Variants in AKR1C2 observed in about 807,000 individuals in gnomAD.
AKR1C2 encodes aldo-keto reductase family 1 member C2.
Under a neutral mutation model 39.8 loss-of-function variants are expected in AKR1C2, and 27 were observed. That is an observed-to-expected ratio of 0.68 (90% confidence interval 0.50 to 0.93). The LOEUF is 0.93. Ranked by LOEUF, AKR1C2 falls within the 40% of genes least tolerant of loss-of-function variation. The probability of loss-of-function intolerance (pLI) is 0.00; values close to 1 mark genes in which losing one functional copy is unlikely to be tolerated. For synonymous variants in AKR1C2, 114 were observed against 137.9 expected, an observed-to-expected ratio of 0.83 and a Z score of 1.22; for missense variants, 263 against 365.1, an observed-to-expected ratio of 0.72 and a Z score of 2.28.
chr10:5,002,838 T>C (rs1837313102), intron 1 of AKR1C2, among the ~76,000 whole-genome samples: 1 of 152,192 alleles, frequency 6.6e-6, no homozygotes, highest in African/African-American at 2.4e-5. Flanking sequence ...AGGCCGGAGC[T>C]TCAGTGGTAT....
At position 5,000,362 on chromosome 10, in the gene AKR1C2, A is replaced by G. The variant is rs1339102143; in HGVS notation, c.369+188T>C. On this transcript the variant is annotated intron_variant, in intron 3 of 8. Transcript: ENST00000380753. Reference sequence around the variant, plus strand: ...CACTCTCTTTTCTTGTAGACATGCAATCACGGAAGTATGGATTCAAAATTG... The same window carrying G: ...CACTCTCTTTTCTTGTAGACATGCAGTCACGGAAGTATGGATTCAAAATTG... 19 of 1,545,758 alleles carry G rather than the reference A, an allele frequency of 1.2e-5. No individual in the cohort carries two copies. The African/African-American group carries it at 1.2e-4, about 10-fold the overall frequency.
intron 5 of AKR1C2, among the ~76,000 whole-genome samples, chr10:4,997,072 A>G (rs1287376946): frequency 6.6e-6 from 1 of 152,216 alleles, no homozygotes; most frequent in Non-Finnish European, 1.5e-5. Context: ...GACCACTGTT[A>G]GCTTAACCAA....
intron 1 of AKR1C2, among the ~76,000 whole-genome samples, chr10:5,012,685 T>G (rs528612660): frequency 1.3e-5 from 2 of 152,310 alleles, no homozygotes; most frequent in African/African-American, 4.8e-5. Context: ...GATTTTGGAA[T>G]TCTGATCTCC....
upstream of AKR1C2, chr10:5,006,648 T>G (rs1837411402): frequency 6.6e-6 from 1 of 152,100 alleles, no homozygotes; most frequent in Non-Finnish European, 1.5e-5. Flanking sequence ...ACTCATGGGG[T>G]ACAAGGGATC....
intron 1 of AKR1C2, among the ~76,000 whole-genome samples, chr10:5,009,479 A>G (rs2131722347): frequency 1.3e-5 from 2 of 152,130 alleles, no homozygotes; most frequent in Non-Finnish European, 2.9e-5. Context: ...TGTAAAGAGA[A>G]AAGTATTAAT....
Position 5,001,120 on chromosome 10 carries a change from C to A in AKR1C2, c.252+394G>T, listed in dbSNP as rs543514954. Among the ~76,000 whole-genome samples the A allele has an allele frequency of 5.4e-4, 82 of 152,292 alleles. 1 individual carries two copies. The highest frequency in any genetic ancestry group is 5.2e-4 in the Admixed American group (8 of 15,298). On this transcript the variant is annotated intron_variant, in intron 2 of 8. Transcript: ENST00000380753. ...TGTAGGTATCACTCTTTTATACTCA[C>A]TGAGCTCTCTTATATCGCTTTCTCT...
rs1259630164 is a variant in AKR1C2, at chr10:4,988,995, C to G, written c.*1001G>C. 1 of 152,140 alleles carries G rather than the reference C, an allele frequency of 6.6e-6. No homozygotes were observed. Among genetic ancestry groups the G allele is most frequent in the Non-Finnish European group, 1.5e-5 (1 of 68,020 alleles). 9.4% of individuals were successfully genotyped at this position (152,140 alleles called of 1,614,324 possible). On this transcript the variant is annotated 3_prime_UTR_variant, in exon 9 of 9. Transcript: ENST00000380753. ...TTGATTTATTAGATGTATTATTTCC[C>G]ATTTTAATCTTGAGTGCCATGCATA...
intron 8 of AKR1C2, among the ~76,000 whole-genome samples, chr10:4,990,330 GTCAA>G (rs1836791826): frequency 5.9e-5 from 9 of 151,796 alleles, no homozygotes; most frequent in Non-Finnish European, 1.3e-4. Flanking sequence ...TCCCACATCT[GTCAA>G]CAAAGAGATA....
At position 4,995,768 on chromosome 10, in the gene AKR1C2, C is replaced by T. The variant is rs782570336; in HGVS notation, c.668G>A (p.Arg223Gln). The change falls in exon 6 of 9, where the codon CGA becomes CAA. Residue 223 changes from arginine (R) to glutamine (Q), a missense_variant. Physicochemically the swap from Arg to Gln is conservative, Grantham distance 43 (BLOSUM62 1). This residue lies in a region of AKR1C2 where 247 missense variants were observed against 267.9 expected (regional missense o/e 0.92). Transcript: ENST00000380753. The part of the protein sequence containing the change: ...LVAYSALGSH[R>Q]EEPWVDPNSP... ...TATCTCTTATTACCATGGTTCTTCTCGATGGGATCCCAGAGCACTATAGGC... is the reference window on the plus strand; with the variant it reads ...TATCTCTTATTACCATGGTTCTTCTTGATGGGATCCCAGAGCACTATAGGC... 5.0e-6 allele frequency: 8 copies of T among 1,611,602 alleles called. No homozygotes were observed. Among genetic ancestry groups the T allele is most frequent in the African/African-American group, 2.7e-5 (2 of 74,550 alleles).
chr10:4,993,555 T>C (rs544812019), intron 7 of AKR1C2, among the ~76,000 whole-genome samples: 1 of 152,218 alleles, frequency 6.6e-6, no homozygotes, highest in Non-Finnish European at 1.5e-5. Context: ...CAGTAAAATA[T>C]TGTGATATTC....
intron 5 of AKR1C2, 40 bp from the exon 6 acceptor site, chr10:4,995,905 A>G (rs781901105): frequency 6.4e-7 from 1 of 1,573,252 alleles, no homozygotes. Flanking sequence ...GATAATCCAA[A>G]AGTTACATTA....
chr10:4,989,858 T>C lies in AKR1C2; in HGVS notation c.*138A>G. 1.6e-6 allele frequency: 2 copies of C among 1,280,238 alleles called. No homozygotes were observed. Among genetic ancestry groups the C allele is most frequent in the Non-Finnish European group, 2.2e-6 (2 of 917,022 alleles). The allele number at this position is 1,280,238 out of a possible 1,614,324, so 79.3% of individuals were successfully genotyped here. On this transcript the variant is annotated 3_prime_UTR_variant, in exon 9 of 9. Transcript: ENST00000380753. ...GTCTTTCTTTTCCGGCCGATGGGCT[T>C]AGCTGTAGCTTACTGAAGTCGCCAA...
At chr10:5,009,369 T>C (rs1232046666) in intron 1 of AKR1C2, among the ~76,000 whole-genome samples, 3 of 152,080 alleles carry the variant, frequency 2.0e-5, no homozygotes, top group Non-Finnish European at 2.9e-5. Context: ...CTCAATACTA[T>C]TGTTCACCCC....
At chr10:5,000,433 T>A in intron 3 of AKR1C2, 117 bp downstream of exon 3, 1 of 1,594,928 alleles carries the variant, frequency 6.3e-7, no homozygotes, top group Non-Finnish European at 8.5e-7. Flanking sequence ...TTAGGGCTCT[T>A]CTTCCATGTT....
chr10:4,990,943 T>C (rs1281921236), intron 8 of AKR1C2, among the ~76,000 whole-genome samples: 2 of 151,366 alleles, frequency 1.3e-5, no homozygotes, highest in Admixed American at 6.6e-5. Context: ...AAATTTTGGG[T>C]ACTTATGATG....
intron 1 of AKR1C2, among the ~76,000 whole-genome samples, chr10:5,014,114 T>C (rs1554775154): frequency 6.6e-6 from 1 of 152,254 alleles, no homozygotes; most frequent in Non-Finnish European, 1.5e-5. Flanking sequence ...TGATGCTCAC[T>C]TGCATTTTCA....
chr10:5,016,066 A>G (rs1837633276), intron 1 of AKR1C2, among the ~76,000 whole-genome samples: 1 of 152,172 alleles, frequency 6.6e-6, no homozygotes, highest in African/African-American at 2.4e-5. Context: ...ACCTCCCACC[A>G]GGCCCCTTCC....
chr10:5,000,339 C>A, intron 3 of AKR1C2: 12 of 1,531,252 alleles, frequency 7.8e-6, no homozygotes, highest in Non-Finnish European at 1.1e-5. Flanking sequence ...GGATTCTGCA[C>A]TCTCTTTTCT....
At chr10:5,016,118 G>A (rs530882364) in intron 1 of AKR1C2, among the ~76,000 whole-genome samples, 1 of 152,192 alleles carries the variant, frequency 6.6e-6, no homozygotes, top group South Asian at 2.1e-4. Context: ...TTTGGGTGGG[G>A]ACACAGAGCC....
Sources: gnomAD v4.1 joint callset for allele counts (sites outside exome capture counted in the v4.1 genomes callset) on GRCh38, gnomAD v4.1.1 for gene constraint, gnomAD v4.1.1 regional missense constraint, MANE v1.5 for transcripts, NCBI Gene and HGNC (gene_info 2026-07-23, HGNC 2026-07-21) for gene names.